Variants in AOX1 observed in about 807,000 individuals in gnomAD.
The protein encoded by AOX1 is aldehyde oxidase 1.
Under a neutral mutation model 169.5 loss-of-function variants are expected in AOX1, and 153 were observed. The observed-to-expected ratio is 0.90, with a 90% CI of 0.79 to 1.03. AOX1 has a LOEUF of 1.03. Among genes scored for constraint, AOX1 ranks in the 50% least tolerant of loss-of-function variants. The pLI is 0.00. For missense variants in AOX1, 1,656 were observed against 1,663.9 expected (o/e 1.00, Z 0.08); for synonymous variants, 562 against 581.9 (o/e 0.97, Z 0.49).
intron 1 of AOX1, among the ~76,000 whole-genome samples, chr2:200,588,858 T>G (rs2034105337): frequency 6.6e-6 from 1 of 151,496 alleles, no homozygotes; most frequent in Non-Finnish European, 1.5e-5. Flanking sequence ...TTCACTATGT[T>G]GGCCAAGCTG....
At chr2:200,673,104 G>A (rs752713015), downstream of AOX1, among the ~76,000 whole-genome samples, 6 of 152,154 alleles carry the variant, frequency 3.9e-5, no homozygotes, top group African/African-American at 7.2e-5. Context: ...GGCAAAAGTC[G>A]AGGGTAGATG....
chr2:200,647,763 T>A (rs2035488369), intron 25 of AOX1, among the ~76,000 whole-genome samples: 1 of 152,214 alleles, frequency 6.6e-6, no homozygotes, highest in Admixed American at 6.5e-5. Flanking sequence ...CCAGACTTCT[T>A]GGAGATTTTG....
intron 9 of AOX1, 114 bp from the exon 10 acceptor site, chr2:200,605,422 A>C: frequency 2.2e-6 from 1 of 451,680 alleles, no homozygotes; most frequent in Non-Finnish European, 3.8e-6. Flanking sequence ...GAATAGAAAG[A>C]TACAATATTT....
intron 12 of AOX1, among the ~76,000 whole-genome samples, chr2:200,609,884 T>G (rs909385658): frequency 6.6e-6 from 1 of 152,202 alleles, no homozygotes; most frequent in African/African-American, 2.4e-5. Context: ...ATTTACTTGA[T>G]TTTTGTTATT....
chr2:200,677,887 C>T (rs190642311), downstream of AOX1, among the ~76,000 whole-genome samples: 3 of 152,208 alleles, frequency 2.0e-5, no homozygotes, highest in African/African-American at 7.2e-5. Context: ...GCACACTCCA[C>T]GTGCGGCTAT....
At chr2:200,647,827 G>T (rs186831972) in intron 25 of AOX1, among the ~76,000 whole-genome samples, 49 of 152,174 alleles carry the variant, frequency 3.2e-4, no homozygotes, top group African/African-American at 1.1e-3. Context: ...TTAATTCAAA[G>T]ACCTTGTCTT....
intron 32 of AOX1, among the ~76,000 whole-genome samples, chr2:200,667,303 G>T (rs1158796804): frequency 1.3e-5 from 2 of 152,098 alleles, no homozygotes; most frequent in South Asian, 4.2e-4. Flanking sequence ...GAGTGAAGTC[G>T]GTGGGCTGTA....
chr2:200,670,342 T>C (rs2036003317), intron 34 of AOX1, among the ~76,000 whole-genome samples: 1 of 152,136 alleles, frequency 6.6e-6, no homozygotes, highest in Non-Finnish European at 1.5e-5. Context: ...CTCTTTGTGG[T>C]ATCCTTCATG....
At chr2:200,629,258 G>A (rs1017030363) in intron 20 of AOX1, among the ~76,000 whole-genome samples, 1 of 152,122 alleles carries the variant, frequency 6.6e-6, no homozygotes, top group Non-Finnish European at 1.5e-5. Flanking sequence ...GCACTTCTCA[G>A]GGCTCAGTCT....
Position 200,641,195 on chromosome 2 carries a change from T to A in AOX1, c.2655+11T>A, listed in dbSNP as rs773469709. On this transcript the variant is annotated intron_variant, in intron 24 of 34. Transcript: ENST00000374700. ...GATGAATCATTATTCGTAAGTGTTT[T>A]AAGGAGCAAGTTCACATTCCTGAAA... 1 of 1,575,654 alleles carries A rather than the reference T, an allele frequency of 6.3e-7. No homozygotes were observed.
At chr2:200,663,597 C>CTCTCCCT (rs777768746) in intron 31 of AOX1, among the ~76,000 whole-genome samples, 1 of 88,876 alleles carries the variant, frequency 1.1e-5, no homozygotes, top group Admixed American at 1.5e-4. Context: ...CTCTCTCTCT[C>CTCTCCCT]CCCCTCTTTC....
chr2:200,665,333 T>C (rs1248898160), intron 31 of AOX1, among the ~76,000 whole-genome samples: 1 of 152,204 alleles, frequency 6.6e-6, no homozygotes. Context: ...GTGAGGATTA[T>C]CCAGAGCCAT....
chr2:200,599,719 C>T lies in AOX1; in HGVS notation c.409C>T (p.Leu137=). 1 of 1,606,390 alleles carries T rather than the reference C, an allele frequency of 6.2e-7. No individual in the cohort carries two copies. The highest frequency in any genetic ancestry group is 8.5e-7 in the Non-Finnish European group (1 of 1,175,518). The change falls in exon 5 of 35, where the codon CTG becomes TTG. Residue 137 remains leucine (L), a synonymous_variant. Transcript: ENST00000374700. ...TLLRNHPEPT[L]DQLTDALGGN... is the part of the protein sequence containing the mutation. ...GCTCAGGAACCACCCAGAGCCCACTCTGGATCAGTTAACTGATGCCCTTGG... is the reference window on the plus strand; with the variant it reads ...GCTCAGGAACCACCCAGAGCCCACTTTGGATCAGTTAACTGATGCCCTTGG...
chr2:200,624,095 C>T (rs2034949635), intron 19 of AOX1, 112 bp downstream of exon 19: 1 of 1,337,212 alleles, frequency 7.5e-7, no homozygotes, highest in Non-Finnish European at 1.1e-6. Context: ...CTCCAAAGCA[C>T]ACGGACTTTA....
downstream of AOX1, among the ~76,000 whole-genome samples, chr2:200,676,218 A>G (rs1377368744): frequency 6.6e-6 from 1 of 152,114 alleles, no homozygotes; most frequent in Non-Finnish European, 1.5e-5. Flanking sequence ...TACCATCAAG[A>G]AACTCCCCTG....
At chr2:200,616,102 G>A (rs2034752474) in intron 16 of AOX1, 39 bp downstream of exon 16, 1 of 1,455,346 alleles carries the variant, frequency 6.9e-7, no homozygotes, top group Non-Finnish European at 9.6e-7. Flanking sequence ...TCACAATCTG[G>A]GCTATAGTGA....
At chr2:200,676,599 CAAAAAAAAAAA>C (rs58206033) in intron 4 of AOX1, among the ~76,000 whole-genome samples, 1 of 98,066 alleles carries the variant, frequency 1.0e-5, no homozygotes, top group Non-Finnish European at 2.1e-5. Context: ...GACTACATCT[CAAAAAAAAAAA>C]AAAAAAGAAG....
intron 11 of AOX1, 39 bp from the exon 12 acceptor site, chr2:200,609,282 A>G (rs779432683): frequency 1.0e-5 from 16 of 1,605,166 alleles, no homozygotes; most frequent in Admixed American, 1.7e-5. Context: ...TTGCTTTTTT[A>G]TGATTACATA....
chr2:200,596,197 C>T (rs1169148228), intron 3 of AOX1, among the ~76,000 whole-genome samples: 1 of 152,228 alleles, frequency 6.6e-6, no homozygotes, highest in Admixed American at 6.5e-5. Context: ...TGCCTGTGTT[C>T]CACACCAAAC....
Sources: gnomAD v4.1 joint callset for allele counts (sites outside exome capture counted in the v4.1 genomes callset) on GRCh38, gnomAD v4.1.1 for gene constraint, MANE v1.5 for transcripts, NCBI Gene and HGNC (gene_info 2026-07-23, HGNC 2026-07-21) for gene names.